The following DKK4 variants were observed in gnomAD, a reference collection of about 807,000 sequenced individuals.
The protein encoded by DKK4 is dickkopf-related protein 4.
A neutral mutation model predicts 14.5 loss-of-function variants in DKK4; 15 were observed. That is an observed-to-expected ratio of 1.03 (90% CI 0.69 to 1.59). DKK4 has a LOEUF of 1.59. Ranked by LOEUF, DKK4 falls within the 40% of genes most tolerant of loss-of-function variation. The pLI, the probability that DKK4 is intolerant of heterozygous loss-of-function variation, is 0.00. For missense variants in DKK4, 272 were observed against 280.3 expected (o/e 0.97, Z 0.21); for synonymous variants, 89 against 105.2 (o/e 0.85, Z 0.94).
chr8:42,376,757 A>G (rs2130873955), intron 1 of DKK4, among the ~76,000 whole-genome samples, 178 bp downstream of exon 1: 1 of 152,336 alleles, frequency 6.6e-6, no homozygotes, highest in South Asian at 2.1e-4. Flanking sequence ...TGTTTATTTC[A>G]TACATTCACA....
chr8:42,387,468 C>T, the DKK4 span, among the ~76,000 whole-genome samples: 196 of 148,792 alleles, frequency 1.3e-3, 1 homozygote, highest in African/African-American at 4.6e-3. Context: ...AGTTATTCTC[C>T]TGCCTCAGCC....
upstream of DKK4, among the ~76,000 whole-genome samples, chr8:42,379,387 A>AGG (rs1563415729): frequency 1.1e-4 from 5 of 46,636 alleles, no homozygotes; most frequent in Admixed American, 6.4e-4. Context: ...ATAGAGAGAG[A>AGG]GAGAGAGAGA....
intron 3 of DKK4, 81 bp from the exon 4 acceptor site, chr8:42,374,440 G>A: frequency 1.3e-6 from 2 of 1,562,066 alleles, no homozygotes; most frequent in Non-Finnish European, 1.7e-6. Flanking sequence ...TAAGGGAATG[G>A]GACCTATGAC....
At chr8:42,375,374 C>G (rs558766327) in intron 2 of DKK4, among the ~76,000 whole-genome samples, 1 of 152,152 alleles carries the variant, frequency 6.6e-6, no homozygotes, top group East Asian at 1.9e-4. Context: ...AACCCTATCT[C>G]TACTAAAAAT....
At position 42,377,191 on chromosome 8, in the gene DKK4, A is replaced by T. The variant is rs1824582573; in HGVS notation, c.-146T>A. 4.6e-6 allele frequency: 3 copies of T among 646,874 alleles called. No individual in the cohort carries two copies. The highest frequency in any genetic ancestry group is 7.9e-6 in the Non-Finnish European group (3 of 378,218). 40.1% of individuals were successfully genotyped at this position (646,874 alleles called of 1,614,324 possible). A position where few individuals can be genotyped will look rare whatever the true frequency, so the allele number is the denominator to read the frequency against. Reference sequence around the variant, plus strand: ...GCTTTTTCTGAAAGAAGTAAACCTTAGTCTGAGTAAGGTGCGTGAAATCGG... The same window carrying T: ...GCTTTTTCTGAAAGAAGTAAACCTTTGTCTGAGTAAGGTGCGTGAAATCGG... On this transcript the variant is annotated 5_prime_UTR_variant, in exon 1 of 4. Transcript: ENST00000220812.
At chr8:42,387,349 T>A in the DKK4 span, among the ~76,000 whole-genome samples, 1 of 121,710 alleles carries the variant, frequency 8.2e-6, no homozygotes, top group South Asian at 3.7e-4. Flanking sequence ...CCAGTCTTTT[T>A]TTTTTTTTTT....
rs774461874 is a variant in DKK4 at position 42,374,824 on chromosome 8, G to T, written c.352C>A (p.His118Asn). The T allele has an allele frequency of 5.6e-6, 9 of 1,614,206 alleles. No individual in the cohort carries two copies. The South Asian group carries it at 9.9e-5, about 18-fold the overall frequency. The change falls in exon 3 of 4, where the codon CAC becomes AAC. Residue 118 changes from histidine to asparagine, a missense_variant. Coordinates refer to ENST00000220812, the MANE Select transcript of DKK4 (RefSeq NM_014420.3). ...TTGGGTTGGTTTTCCTGGACTGGGT[G>T]CCCAGTTGTTCCTTCTGCATGTGTG... ...DGTHAEGTTG[H>N]PVQENQPKRK...
rs748899995 is a variant in DKK4 at position 42,377,091 on chromosome 8, C to G, written c.-46G>C. Reference sequence around the variant, plus strand: ...GGAGGGTCCCAGCACTGTGCGTCACCAAAGCGAGGCTGCTCTCCACCCAGA... The same window carrying G: ...GGAGGGTCCCAGCACTGTGCGTCACGAAAGCGAGGCTGCTCTCCACCCAGA... On this transcript the variant is annotated 5_prime_UTR_variant, in exon 1 of 4. Transcript: ENST00000220812. 6.6e-7 allele frequency: 1 copy of G among 1,521,670 alleles called. No homozygotes were observed. Among genetic ancestry groups the G allele is most frequent in the East Asian group, 2.3e-5 (1 of 43,730 alleles). 94.3% of individuals were successfully genotyped at this position (1,521,670 alleles called of 1,614,324 possible). A position where few individuals can be genotyped will look rare whatever the true frequency, so the allele number is the denominator to read the frequency against.
the DKK4 span, among the ~76,000 whole-genome samples, chr8:42,388,194 G>C: frequency 6.6e-6 from 1 of 152,080 alleles, no homozygotes; most frequent in Non-Finnish European, 1.5e-5. Context: ...CGTGAGTTTT[G>C]CCTGTATAGC....
At position 42,375,910 on chromosome 8, in the gene DKK4, G is replaced by A. The variant is rs187501385; in HGVS notation, c.112-80C>T. 1,014 of 1,535,256 alleles carry A rather than the reference G, an allele frequency of 6.6e-4. 3 individuals carry two copies. The highest frequency in any genetic ancestry group is 7.8e-4 in the Non-Finnish European group (886 of 1,137,340). On this transcript the variant is annotated intron_variant, in intron 1 of 3. Coordinates refer to ENST00000220812, the MANE Select transcript of DKK4 (RefSeq NM_014420.3). Reference sequence around the variant, plus strand: ...TGACTTATTATTGAAGGCAGGAGGCGGAGGGAGCCAAAGGACAGTGGCGCT... The same window carrying A: ...TGACTTATTATTGAAGGCAGGAGGCAGAGGGAGCCAAAGGACAGTGGCGCT...
At chr8:42,390,327 A>G in the DKK4 span, among the ~76,000 whole-genome samples, 1 of 146,548 alleles carries the variant, frequency 6.8e-6, no homozygotes, top group Non-Finnish European at 1.5e-5. Context: ...TTAGGATCAC[A>G]CATTGCTTTT....
upstream of DKK4, among the ~76,000 whole-genome samples, chr8:42,377,457 C>T (rs1342854175): frequency 2.6e-5 from 4 of 152,148 alleles, no homozygotes; most frequent in Non-Finnish European, 5.9e-5. Context: ...CAAAGGGCCA[C>T]GGCAGAGCAG....
chr8:42,379,412 GAGAGAGAGAGA>G (rs1563415762), upstream of DKK4, among the ~76,000 whole-genome samples: 11 of 132,326 alleles, frequency 8.3e-5, no homozygotes, highest in African/African-American at 3.1e-4. Context: ...GAGAGAGAGA[GAGAGAGAGAGA>G]GAGAAAGATT....
rs183319326 is a variant in DKK4, at chr8:42,377,089, A to G, written c.-44T>C. 799 of 1,550,824 alleles carry G rather than the reference A, an allele frequency of 5.2e-4. 9 individuals carry two copies. In the East Asian group the frequency reaches 0.01, roughly 20 times the overall value. On this transcript the variant is annotated 5_prime_UTR_variant, in exon 1 of 4. Coordinates refer to ENST00000220812, the MANE Select transcript of DKK4 (RefSeq NM_014420.3). ...CTGGAGGGTCCCAGCACTGTGCGTCACCAAAGCGAGGCTGCTCTCCACCCA... is the reference window on the plus strand; with the variant it reads ...CTGGAGGGTCCCAGCACTGTGCGTCGCCAAAGCGAGGCTGCTCTCCACCCA...
chr8:42,377,106 C>T lies in DKK4; in HGVS notation c.-61G>A, dbSNP rs1824581140. ...TGTGCGTCACCAAAGCGAGGCTGCT[C>T]TCCACCCAGAGCAGAGCTTCCACTA... is the stretch of plus-strand genomic sequence containing the variant. On this transcript the variant is annotated 5_prime_UTR_variant, in exon 1 of 4. Coordinates refer to ENST00000220812, the MANE Select transcript of DKK4 (RefSeq NM_014420.3). 1.4e-6 allele frequency: 2 copies of T among 1,421,740 alleles called. No individual in the cohort carries two copies. The highest frequency in any genetic ancestry group is 2.4e-5 in the East Asian group (1 of 42,490). 88.1% of individuals were successfully genotyped at this position (1,421,740 alleles called of 1,614,324 possible). A position where few individuals can be genotyped will look rare whatever the true frequency, so the allele number is the denominator to read the frequency against.
In DKK4 at chr8:42,375,538, A is replaced by G; in HGVS notation, c.262+142T>C. The G allele has an allele frequency of 8.1e-6, 9 of 1,114,108 alleles. No individual in the cohort carries two copies. The South Asian group carries it at 1.7e-4, about 20-fold the overall frequency. The allele number at this position is 1,114,108 out of a possible 1,614,324, so 69.0% of individuals were successfully genotyped here. A position where few individuals can be genotyped will look rare whatever the true frequency, so the allele number is the denominator to read the frequency against. The stretch of plus-strand genomic sequence containing the variant: ...GCCTCAGAAAAAAAAAAAAAAGGAA[A>G]AGAAAAGGCAGCTGCATACATTTAC... On this transcript the variant is annotated intron_variant, in intron 2 of 3. Transcript: ENST00000220812.
the DKK4 span, among the ~76,000 whole-genome samples, chr8:42,383,512 G>A: frequency 1.3e-5 from 2 of 152,240 alleles, no homozygotes; most frequent in African/African-American, 4.8e-5. Flanking sequence ...ATGTGCTGGT[G>A]CAGGGAACCT....
chr8:42,381,523 G>C (rs1279940160), upstream of DKK4, among the ~76,000 whole-genome samples: 1 of 152,160 alleles, frequency 6.6e-6, no homozygotes, highest in African/African-American at 2.4e-5. Context: ...GTGCCTGTCT[G>C]TGTCTGTCCA....
chr8:42,388,520 G>A, the DKK4 span, among the ~76,000 whole-genome samples: 4 of 151,304 alleles, frequency 2.6e-5, no homozygotes, highest in African/African-American at 7.3e-5. Flanking sequence ...GCAAGGCACC[G>A]CACCTGGTCT....
Sources: allele counts gnomAD v4.1 joint callset (sites outside exome capture counted in the v4.1 genomes callset), GRCh38; gene constraint gnomAD v4.1.1; transcripts MANE v1.5; gene names NCBI Gene and HGNC (gene_info 2026-07-23, HGNC 2026-07-21).